Variants in BMPR1B observed in about 807,000 individuals in gnomAD.
BMPR1B encodes the protein bone morphogenetic protein receptor type 1B, also known as bone morphogenetic protein receptor type-1B.
BMPR1B carries 12 observed loss-of-function variants against 59.1 expected under a neutral mutation model. The observed-to-expected ratio is 0.20, with a 90% confidence interval of 0.13 to 0.33. The LOEUF is 0.33. Ranked by LOEUF, BMPR1B falls within the 10% of genes least tolerant of loss-of-function variation. BMPR1B has a pLI of 1.00. For synonymous variants in BMPR1B, 237 were observed against 207.3 expected (o/e 1.14, Z -1.23); for missense variants, 550 against 610.9 (o/e 0.90, Z 1.05).
chr4:95,051,065 A>G (rs1157220579), intron 3 of BMPR1B, among the ~76,000 whole-genome samples: 1 of 152,192 alleles, frequency 6.6e-6, no homozygotes, highest in East Asian at 1.9e-4. Context: ...TGCAGTATTC[A>G]TTAGAGATTT....
chr4:95,126,092 G>A (rs1732885882), intron 8 of BMPR1B, among the ~76,000 whole-genome samples: 1 of 152,116 alleles, frequency 6.6e-6, no homozygotes, highest in African/African-American at 2.4e-5. Context: ...AGTTACCCCA[G>A]ACTAAGCCAG....
intron 1 of BMPR1B, among the ~76,000 whole-genome samples, chr4:94,769,692 T>G (rs1224405673): frequency 6.6e-6 from 1 of 151,508 alleles, no homozygotes. Flanking sequence ...AAAGACAAAA[T>G]GAGAAGTTGG....
Position 95,111,488 on chromosome 4 carries a change from G to A in BMPR1B, c.144-3232G>A, listed in dbSNP as rs985597045. Among the ~76,000 whole-genome samples the A allele has an allele frequency of 7.9e-5, 12 of 152,064 alleles. No individual in the cohort carries two copies. In the East Asian group the frequency reaches 1.9e-3, roughly 24 times the overall value. On this transcript the variant is annotated intron_variant, in intron 4 of 12. Transcript: ENST00000515059. Reference sequence around the variant, plus strand: ...CAGTTTTAGACATCTTCTAAAATTGGTTTCTAACCATTCTACAACAACTAA... The same window carrying A: ...CAGTTTTAGACATCTTCTAAAATTGATTTCTAACCATTCTACAACAACTAA...
At chr4:94,869,753 T>A (rs1726404514) in intron 1 of BMPR1B, among the ~76,000 whole-genome samples, 1 of 152,234 alleles carries the variant, frequency 6.6e-6, no homozygotes, top group Admixed American at 6.5e-5. Context: ...TGAGATCATG[T>A]AAGCATTTCT....
intron 1 of BMPR1B, among the ~76,000 whole-genome samples, chr4:94,772,201 A>G (rs1369329999): frequency 1.3e-5 from 2 of 152,182 alleles, no homozygotes; most frequent in African/African-American, 2.4e-5. Flanking sequence ...CAGCCTGCCC[A>G]TACTGTCATC....
intron 4 of BMPR1B, among the ~76,000 whole-genome samples, chr4:95,109,275 T>C (rs1269484412): frequency 1.3e-5 from 2 of 152,130 alleles, no homozygotes; most frequent in Non-Finnish European, 2.9e-5. Context: ...TAAATCAAAT[T>C]GAATGTTTGC....
At chr4:94,760,116 G>A (rs987289332) in intron 1 of BMPR1B, among the ~76,000 whole-genome samples, 4 of 152,134 alleles carry the variant, frequency 2.6e-5, no homozygotes, top group Non-Finnish European at 4.4e-5. Flanking sequence ...ACTGATTTGT[G>A]TTTTTAAATC....
At chr4:94,980,621 G>C (rs756776917) in intron 2 of BMPR1B, among the ~76,000 whole-genome samples, 2 of 152,120 alleles carry the variant, frequency 1.3e-5, no homozygotes, top group African/African-American at 2.4e-5. Context: ...GGGTGTGTGC[G>C]TGCATTCTGT....
At chr4:95,060,329 T>C (rs1197553327) in intron 3 of BMPR1B, among the ~76,000 whole-genome samples, 1 of 152,208 alleles carries the variant, frequency 6.6e-6, no homozygotes, top group East Asian at 1.9e-4. Context: ...AGAAACTGTG[T>C]GTATTTAAAA....
At chr4:95,047,326 A>G (rs1405504807) in intron 3 of BMPR1B, among the ~76,000 whole-genome samples, 3 of 152,156 alleles carry the variant, frequency 2.0e-5, no homozygotes, top group South Asian at 2.1e-4. Context: ...TCATCATGTC[A>G]TCTTAGTCTC....
At chr4:95,099,657 A>G (rs561761453) in intron 3 of BMPR1B, among the ~76,000 whole-genome samples, 1 of 152,268 alleles carries the variant, frequency 6.6e-6, no homozygotes, top group African/African-American at 2.4e-5. Context: ...TACATAGTTG[A>G]AAGAGATTTA....
At chr4:94,809,545 A>G (rs1044826090) in intron 1 of BMPR1B, among the ~76,000 whole-genome samples, 2 of 152,196 alleles carry the variant, frequency 1.3e-5, no homozygotes, top group Non-Finnish European at 2.9e-5. Context: ...ACACACAACA[A>G]ATACTCACTA....
chr4:94,926,920 G>GT lies in BMPR1B; in HGVS notation c.-113+51026dup, dbSNP rs1304033853. Among the ~76,000 whole-genome samples the GT allele has an allele frequency of 7.2e-5, 11 of 152,144 alleles. No individual in the cohort carries two copies. In the East Asian group the frequency reaches 1.9e-3, roughly 27 times the overall value. On this transcript the variant is annotated intron_variant, in intron 2 of 12. Coordinates refer to ENST00000515059, the MANE Select transcript of BMPR1B (RefSeq NM_001203.3). ...TATTTTGAAAACTTATTAAATGCATGTTTTTTCTTTGGTAGAATCAAAAGA... is the reference window on the plus strand; with the variant it reads ...TATTTTGAAAACTTATTAAATGCATGTTTTTTTCTTTGGTAGAATCAAAAGA...
chr4:94,972,886 A>C (rs1014415577), intron 2 of BMPR1B, among the ~76,000 whole-genome samples: 11 of 152,176 alleles, frequency 7.2e-5, no homozygotes, highest in Non-Finnish European at 1.2e-4. Context: ...GGGGTGCCTC[A>C]TTTATTCAGC....
intron 2 of BMPR1B, among the ~76,000 whole-genome samples, chr4:94,925,131 C>G (rs1728836916): frequency 6.6e-6 from 1 of 152,110 alleles, no homozygotes; most frequent in Non-Finnish European, 1.5e-5. Context: ...CAATCTCCCT[C>G]TTCCTATTTA....
chr4:94,773,510 C>T (rs559060016), intron 1 of BMPR1B, among the ~76,000 whole-genome samples: 6 of 151,960 alleles, frequency 3.9e-5, no homozygotes, highest in Non-Finnish European at 7.4e-5. Context: ...TTGGGAGTTG[C>T]AAATTATTTA....
intron 3 of BMPR1B, among the ~76,000 whole-genome samples, chr4:95,026,110 C>CCTTCTTTCTTTCTTTCTTTT (rs1553928471): frequency 7.2e-6 from 1 of 139,280 alleles, no homozygotes; most frequent in South Asian, 2.4e-4. Context: ...TTCTTTCTTT[C>CCTTCTTTCTTTCTTTCTTTT]TTTCTTTCTT....
At chr4:94,883,466 A>G (rs1727057663) in intron 2 of BMPR1B, among the ~76,000 whole-genome samples, 1 of 152,194 alleles carries the variant, frequency 6.6e-6, no homozygotes, top group Non-Finnish European at 1.5e-5. Flanking sequence ...TTACTCATCC[A>G]CATGCTCATT....
chr4:95,024,216 T>A (rs1230034987), intron 3 of BMPR1B, among the ~76,000 whole-genome samples: 8 of 152,220 alleles, frequency 5.3e-5, no homozygotes, highest in Admixed American at 5.2e-4. Flanking sequence ...ACGTTCTTTG[T>A]AATTAAAGAA....
Sources: gnomAD v4.1 joint callset for allele counts (sites outside exome capture counted in the v4.1 genomes callset) on GRCh38, gnomAD v4.1.1 for gene constraint, MANE v1.5 for transcripts, NCBI Gene and HGNC (gene_info 2026-07-23, HGNC 2026-07-21) for gene names.